The following GABRB2 variants were observed in gnomAD, a reference collection of about 807,000 sequenced individuals.
GABRB2 encodes the protein gamma-aminobutyric acid receptor subunit beta-2.
Under a neutral mutation model 54.7 loss-of-function variants are expected in GABRB2, and 16 were observed. The ratio of observed to expected loss-of-function variants is 0.29; its 90% CI spans 0.20 to 0.44. The LOEUF (loss-of-function observed/expected upper bound fraction) is 0.44. GABRB2 is among the 20% of genes least tolerant of loss of function. The pLI is 1.00. For synonymous variants in GABRB2, 244 were observed against 233.8 expected, an observed-to-expected ratio of 1.04 and a Z score of -0.40; for missense variants, 355 against 644.0, an observed-to-expected ratio of 0.55 and a Z score of 4.86.
chr5:161,456,853 A>G (rs1195238625), intron 4 of GABRB2, among the ~76,000 whole-genome samples: 1 of 152,180 alleles, frequency 6.6e-6, no homozygotes, highest in Non-Finnish European at 1.5e-5. Context: ...ATAGAAAATT[A>G]CTGGCTGGGG....
At position 161,321,181 on chromosome 5, in the gene GABRB2, CT is replaced by C. The variant is rs564920733; in HGVS notation, c.1191+5186del. ...CTGTCATAATGGTGATCTATGTTAT[CT>C]ATGCTAATTTTATTATTAATCTTTA... On this transcript the variant is annotated intron_variant, in intron 9 of 9. Transcript: ENST00000393959. Among the ~76,000 whole-genome samples the C allele has an allele frequency of 2.5e-3, 387 of 152,086 alleles. 2 individuals carry two copies. Among genetic ancestry groups the C allele is most frequent in the African/African-American group, 9.0e-3 (372 of 41,540 alleles).
intron 9 of GABRB2, among the ~76,000 whole-genome samples, chr5:161,311,884 A>G (rs13185200): frequency 0.13 from 19,354 of 152,240 alleles, 1,738 homozygotes; most frequent in African/African-American, 0.22. Context: ...TAAAGTTATA[A>G]AAGTCAATGA....
chr5:161,353,049 G>A (rs1037474257), intron 5 of GABRB2, among the ~76,000 whole-genome samples: 8 of 151,916 alleles, frequency 5.3e-5, no homozygotes, highest in African/African-American at 1.4e-4. Flanking sequence ...TACCTGCAAA[G>A]CAATTAGAAC....
intron 8 of GABRB2, among the ~76,000 whole-genome samples, chr5:161,327,925 C>T (rs778403728): frequency 7.2e-5 from 11 of 152,088 alleles, no homozygotes; most frequent in Non-Finnish European, 1.6e-4. Context: ...TGGTATTATT[C>T]ATGATGCTGA....
chr5:161,429,496 C>T (rs1363593211), intron 4 of GABRB2, among the ~76,000 whole-genome samples: 14 of 151,856 alleles, frequency 9.2e-5, no homozygotes, highest in Admixed American at 6.6e-5. Flanking sequence ...AGTGTTTAGC[C>T]TGGAGGGATA....
intron 3 of GABRB2, among the ~76,000 whole-genome samples, chr5:161,470,227 T>C (rs1758399216): frequency 6.6e-6 from 1 of 151,772 alleles, no homozygotes; most frequent in Non-Finnish European, 1.5e-5. Flanking sequence ...AGCCGAACAC[T>C]ACTGAATTGA....
chr5:161,304,005 C>T (rs1290674035), intron 9 of GABRB2, among the ~76,000 whole-genome samples: 2 of 152,046 alleles, frequency 1.3e-5, no homozygotes, highest in African/African-American at 4.8e-5. Flanking sequence ...TGACCATTAC[C>T]GTTGGTACAA....
chr5:161,310,248 A>G (rs1257608320), intron 9 of GABRB2, among the ~76,000 whole-genome samples: 1 of 152,196 alleles, frequency 6.6e-6, no homozygotes, highest in East Asian at 1.9e-4. Flanking sequence ...TAATCTGTAC[A>G]ACAAACCCCC....
At chr5:161,522,390 C>T (rs1760141616) in intron 3 of GABRB2, among the ~76,000 whole-genome samples, 1 of 151,744 alleles carries the variant, frequency 6.6e-6, no homozygotes, top group African/African-American at 2.4e-5. Flanking sequence ...GAGGATTATA[C>T]CTCTAAAGCA....
chr5:161,484,790 C>T (rs1269131186), intron 3 of GABRB2, among the ~76,000 whole-genome samples: 2 of 151,936 alleles, frequency 1.3e-5, no homozygotes, highest in Non-Finnish European at 2.9e-5. Flanking sequence ...CTTCATCTGG[C>T]CTTGTTACCT....
At chr5:161,423,922 T>C (rs1237596889) in intron 4 of GABRB2, among the ~76,000 whole-genome samples, 2 of 152,162 alleles carry the variant, frequency 1.3e-5, no homozygotes, top group Non-Finnish European at 2.9e-5. Flanking sequence ...TTATCGCTGA[T>C]GTGGAGAAAG....
rs551813142 is a variant in GABRB2 at position 161,502,498 on chromosome 5, GT to G, written c.238-42655del. Reference sequence around the variant, plus strand: ...TATGAGGAGTATGAGAATCAGACATGTTGCCACACCTCATGTTTCTTCTCTC... The same window carrying G: ...TATGAGGAGTATGAGAATCAGACATGTGCCACACCTCATGTTTCTTCTCTC... On this transcript the variant is annotated intron_variant, in intron 3 of 9. Coordinates refer to ENST00000393959, the MANE Select transcript of GABRB2 (RefSeq NM_001371727.1). Among the ~76,000 whole-genome samples, 110 of 152,146 alleles carry G rather than the reference GT, an allele frequency of 7.2e-4. 1 individual carries two copies. Among genetic ancestry groups the G allele is most frequent in the African/African-American group, 2.6e-3 (106 of 41,528 alleles).
At chr5:161,352,707 C>T (rs1278504426) in intron 5 of GABRB2, among the ~76,000 whole-genome samples, 1 of 151,862 alleles carries the variant, frequency 6.6e-6, no homozygotes, top group Non-Finnish European at 1.5e-5. Flanking sequence ...TATGTGTTCT[C>T]ATTGCAAAAA....
At chr5:161,334,333 C>T (rs1404564708) in intron 7 of GABRB2, among the ~76,000 whole-genome samples, 2 of 152,256 alleles carry the variant, frequency 1.3e-5, no homozygotes, top group East Asian at 3.9e-4. Flanking sequence ...GAAATGTTAA[C>T]AAGACTTTAG....
intron 4 of GABRB2, among the ~76,000 whole-genome samples, chr5:161,425,441 C>G (rs1756971044): frequency 6.6e-6 from 1 of 152,062 alleles, no homozygotes; most frequent in Non-Finnish European, 1.5e-5. Flanking sequence ...CAAGGCTCCC[C>G]ACCTCCAAAA....
At chr5:161,371,075 T>G (rs935211718) in intron 5 of GABRB2, among the ~76,000 whole-genome samples, 1 of 152,176 alleles carries the variant, frequency 6.6e-6, no homozygotes. Context: ...CTGGTCAGAC[T>G]GGGCACTAAG....
intron 5 of GABRB2, among the ~76,000 whole-genome samples, chr5:161,402,429 C>G (rs1276403676): frequency 6.6e-6 from 1 of 152,082 alleles, no homozygotes; most frequent in African/African-American, 2.4e-5. Flanking sequence ...CCGCCCTACT[C>G]CAGTCTCACA....
intron 5 of GABRB2, among the ~76,000 whole-genome samples, chr5:161,380,630 T>G (rs886235394): frequency 6.6e-6 from 1 of 150,794 alleles, no homozygotes; most frequent in African/African-American, 2.4e-5. Context: ...AATGCTCTTG[T>G]GAAAAAAAAA....
chr5:161,494,157 G>T (rs771042214), intron 3 of GABRB2, among the ~76,000 whole-genome samples: 17 of 151,626 alleles, frequency 1.1e-4, no homozygotes, highest in Non-Finnish European at 1.9e-4. Flanking sequence ...AAACTTAAAT[G>T]CTTATAGCAG....
Sources: allele counts gnomAD v4.1 joint callset (sites outside exome capture counted in the v4.1 genomes callset), GRCh38; gene constraint gnomAD v4.1.1; transcripts MANE v1.5; gene names NCBI Gene and HGNC (gene_info 2026-07-23, HGNC 2026-07-21).